Variants in MFSD2B observed in about 807,000 individuals in gnomAD.
MFSD2B encodes the protein sphingosine-1-phosphate transporter MFSD2B.
A neutral mutation model predicts 58.4 loss-of-function variants in MFSD2B; 56 were observed. The ratio of observed to expected loss-of-function variants is 0.96; its 90% CI spans 0.77 to 1.20. The LOEUF is 1.20. MFSD2B is among the 50% of genes most tolerant of loss of function. The pLI, the probability that MFSD2B is intolerant of heterozygous loss-of-function variation, is 0.00. For missense variants in MFSD2B, 645 were observed against 667.6 expected (o/e 0.97, Z 0.37); for synonymous variants, 287 against 294.4 (o/e 0.97, Z 0.26).
intron 3 of MFSD2B, among the ~76,000 whole-genome samples, 191 bp downstream of exon 3, chr2:24,016,471 C>A (rs1487257461): frequency 1.3e-5 from 2 of 152,196 alleles, no homozygotes; most frequent in African/African-American, 4.8e-5. Flanking sequence ...ACTCTCCCTC[C>A]CCAGATGGCA....
At position 24,017,212 on chromosome 2, in the gene MFSD2B, AC is replaced by A. The variant is rs1394984395; in HGVS notation, c.472-71del. 4.1e-6 allele frequency: 6 copies of A among 1,463,228 alleles called. No homozygotes were observed. The Admixed American group carries it at 1.0e-4, about 25-fold the overall frequency. 90.6% of individuals were successfully genotyped at this position (1,463,228 alleles called of 1,614,324 possible). ...TGGCCTGTGGGTGTCGGGATGTGACACCCAGGATGGGGGAGGTCGCCCGCTG... is the reference window on the plus strand; with the variant it reads ...TGGCCTGTGGGTGTCGGGATGTGACACCAGGATGGGGGAGGTCGCCCGCTG... On this transcript the variant is annotated intron_variant, in intron 4 of 13. Transcript: ENST00000338315. The surrounding 1 kb of genome is among the most constrained non-coding windows in gnomAD (Gnocchi z 4.8).
Position 24,024,309 on chromosome 2 carries a change from G to A in MFSD2B, c.1490+38G>A. 6.4e-7 allele frequency: 1 copy of A among 1,557,122 alleles called. No homozygotes were observed. The highest frequency in any genetic ancestry group is 8.7e-7 in the Non-Finnish European group (1 of 1,152,994). On this transcript the variant is annotated intron_variant, in intron 13 of 13. Transcript: ENST00000338315. This position sits in a 1 kb window ranked among gnomAD's most constrained non-coding sequence, Gnocchi z 4.3. Reference sequence around the variant, plus strand: ...CGCCCCCTGCAGCCAGCGAGGCACAGTGTGGGCTGCTGGGGGAATGACTAA... The same window carrying A: ...CGCCCCCTGCAGCCAGCGAGGCACAATGTGGGCTGCTGGGGGAATGACTAA...
chr2:24,011,855 G>A (rs1477250340), intron 1 of MFSD2B, among the ~76,000 whole-genome samples: 1 of 152,136 alleles, frequency 6.6e-6, no homozygotes, highest in East Asian at 1.9e-4. Context: ...GAGAGGTTAG[G>A]GAATGCCTCT....
rs937039077 is a variant in MFSD2B at position 24,017,155 on chromosome 2, G to C, written c.472-131G>C. On this transcript the variant is annotated intron_variant, in intron 4 of 13. Transcript: ENST00000338315. This position sits in a 1 kb window ranked among gnomAD's most constrained non-coding sequence, Gnocchi z 4.8. ...CTCCTGCCTTTGGGACCCTAGCTCCGACTTCAGGTGGCCAGCTGGGATATG... is the reference window on the plus strand; with the variant it reads ...CTCCTGCCTTTGGGACCCTAGCTCCCACTTCAGGTGGCCAGCTGGGATATG... 10 of 1,272,348 alleles carry C rather than the reference G, an allele frequency of 7.9e-6. No individual in the cohort carries two copies. The South Asian group carries it at 1.4e-4, about 18-fold the overall frequency. 78.8% of individuals were successfully genotyped at this position (1,272,348 alleles called of 1,614,324 possible).
chr2:24,022,021 T>G lies in MFSD2B; in HGVS notation c.894+51T>G. ...AGGCTTGGTGCTGGCCATGCTGACC[T>G]TGCATAGGTTCAGGGTGCAGTCTTG... On this transcript the variant is annotated intron_variant, in intron 8 of 13. Coordinates refer to ENST00000338315, the MANE Select transcript of MFSD2B (RefSeq NM_001346880.2). The surrounding 1 kb of genome is among the most constrained non-coding windows in gnomAD (Gnocchi z 4.5). 6.2e-7 allele frequency: 1 copy of G among 1,610,798 alleles called. No homozygotes were observed. Among genetic ancestry groups the G allele is most frequent in the South Asian group, 1.1e-5 (1 of 90,920 alleles).
At position 24,025,470 on chromosome 2, in the gene MFSD2B, G is replaced by A. The variant is rs200011725; in HGVS notation, c.*14G>A. ...AGCCTGGCCTAAAGCTTAGGAGGGC[G>A]ACTGTGAATGGACACAGGAGCCAGC... On this transcript the variant is annotated 3_prime_UTR_variant, in exon 14 of 14. Coordinates refer to ENST00000338315, the MANE Select transcript of MFSD2B (RefSeq NM_001346880.2). 821 of 1,535,684 alleles carry A rather than the reference G, an allele frequency of 5.3e-4. 7 individuals carry two copies. The East Asian group carries it at 0.014, about 27-fold the overall frequency.
rs964797425 is a variant in MFSD2B at position 24,020,243 on chromosome 2, G to A, written c.682-1405G>A. The stretch of plus-strand genomic sequence containing the variant: ...ATGCCCAGGGGGCAGAGCCTCATGT[G>A]AGCAGAGACTGGATGCTCTTGGTGG... On this transcript the variant is annotated intron_variant, in intron 6 of 13. Transcript: ENST00000338315. The surrounding 1 kb of genome is among the most constrained non-coding windows in gnomAD (Gnocchi z 4.1). Among the ~76,000 whole-genome samples the A allele has an allele frequency of 3.9e-5, 6 of 152,188 alleles. No homozygotes were observed. Among genetic ancestry groups the A allele is most frequent in the African/African-American group, 1.4e-4 (6 of 41,432 alleles).
intron 2 of MFSD2B, among the ~76,000 whole-genome samples, chr2:24,014,831 G>A (rs929631962): frequency 3.3e-5 from 5 of 152,040 alleles, no homozygotes; most frequent in Admixed American, 6.6e-5. Context: ...TTTAAAATGA[G>A]GTATCCAGCC....
chr2:24,023,182 C>T lies in MFSD2B; in HGVS notation c.1112C>T (p.Ala371Val). ...GCTGCTGTGCCCACAGCACCTGTGG[C>T]ATATGTCGTGGCCTTTGTATCTGGC... Reference protein sequence around the residue: ...LLAAVPTAPVAYVVAFVSGVS... With the variant: ...LLAAVPTAPVVYVVAFVSGVS... The change falls in exon 11 of 14, where the codon GCA becomes GTA. Residue 371 changes from alanine (A) to valine (V), a missense_variant. By Grantham distance (64) the Ala-to-Val change is moderately conservative. Coordinates refer to ENST00000338315, the MANE Select transcript of MFSD2B (RefSeq NM_001346880.2). The surrounding 1 kb of genome is among the most constrained non-coding windows in gnomAD (Gnocchi z 5.0). 1.2e-6 allele frequency: 2 copies of T among 1,613,612 alleles called. No individual in the cohort carries two copies. Among genetic ancestry groups the T allele is most frequent in the Non-Finnish European group, 1.7e-6 (2 of 1,179,818 alleles).
At position 24,012,167 on chromosome 2, in the gene MFSD2B, C is replaced by T. The variant is rs1215076827; in HGVS notation, c.97-1118C>T. ...AACAAACAAAACACACACACACACA[C>T]ACACACACACACAAAAACAGACAAA... On this transcript the variant is annotated intron_variant, in intron 1 of 13. Coordinates refer to ENST00000338315, the MANE Select transcript of MFSD2B (RefSeq NM_001346880.2). This position sits in a 1 kb window ranked among gnomAD's most constrained non-coding sequence, Gnocchi z 4.5. Among the ~76,000 whole-genome samples, 4 of 63,942 alleles carry T rather than the reference C, an allele frequency of 6.3e-5. No individual in the cohort carries two copies. The highest frequency in any genetic ancestry group is 1.5e-4 in the Non-Finnish European group (4 of 27,198). The allele number at this position is 63,942 out of a possible 152,430, so 41.9% of individuals were successfully genotyped here. A position where few individuals can be genotyped will look rare whatever the true frequency, so the allele number is the denominator to read the frequency against.
rs1403879449 is a variant in MFSD2B at position 24,023,334 on chromosome 2, C to T, written c.1169+95C>T. The T allele has an allele frequency of 1.8e-6, 2 of 1,127,252 alleles. No individual in the cohort carries two copies. The highest frequency in any genetic ancestry group is 1.5e-5 in the African/African-American group (1 of 65,792). The allele number at this position is 1,127,252 out of a possible 1,614,324, so 69.8% of individuals were successfully genotyped here. On this transcript the variant is annotated intron_variant, in intron 11 of 13. Coordinates refer to ENST00000338315, the MANE Select transcript of MFSD2B (RefSeq NM_001346880.2). The surrounding 1 kb of genome is among the most constrained non-coding windows in gnomAD (Gnocchi z 5.0). ...CCAGGCCCCCTGCACCCAGCCTGTG[C>T]AGGAGATGGAGGCCACCAGCTCCAT...
Position 24,024,269 on chromosome 2 carries a change from G to A in MFSD2B, c.1488G>A (p.Arg496=). The A allele has an allele frequency of 6.2e-7, 1 of 1,601,308 alleles. No individual in the cohort carries two copies. Among genetic ancestry groups the A allele is most frequent in the Non-Finnish European group, 8.5e-7 (1 of 1,174,730 alleles). Reference sequence around the variant, plus strand: ...ACGCCTCCAGCCGGCTGAGCCTTCGGAGGTAAGCCCCGCACGCCCCCTGCA... The same window carrying A: ...ACGCCTCCAGCCGGCTGAGCCTTCGAAGGTAAGCCCCGCACGCCCCCTGCA... The part of the protein sequence containing the change: ...SRDASSRLSL[R]RRTSYSLA Residue 496 remains arginine, a splice_region_variant and synonymous_variant, in exon 13 of 14, where the codon CGG becomes CGA. Transcript: ENST00000338315. This position sits in a 1 kb window ranked among gnomAD's most constrained non-coding sequence, Gnocchi z 4.3.
At position 24,021,744 on chromosome 2, in the gene MFSD2B, G is replaced by A. The variant is rs1175161977; in HGVS notation, c.772+6G>A. ...AGGGGTGAAGGAGCGGCCAGGTATG[G>A]GGTTTGGTGAGGAGGGAAGCAGAAG... On this transcript the variant is annotated splice_donor_region_variant and intron_variant, in intron 7 of 13. Transcript: ENST00000338315. The surrounding 1 kb of genome is among the most constrained non-coding windows in gnomAD (Gnocchi z 5.7). 6.2e-7 allele frequency: 1 copy of A among 1,613,116 alleles called. No homozygotes were observed. Among genetic ancestry groups the A allele is most frequent in the East Asian group, 2.2e-5 (1 of 44,868 alleles).
At position 24,024,184 on chromosome 2, in the gene MFSD2B, T is replaced by A. The variant is rs758426955; in HGVS notation, c.1403T>A (p.Met468Lys). 1.4e-5 allele frequency: 23 copies of A among 1,613,730 alleles called. No individual in the cohort carries two copies. The highest frequency in any genetic ancestry group is 1.9e-5 in the Non-Finnish European group (22 of 1,179,834). The change falls in exon 13 of 14, where the codon ATG (methionine) becomes AAG (lysine). Residue 468 changes from methionine (M) to lysine (K), a missense_variant. By Grantham distance (95) the Met-to-Lys change is moderately conservative. Coordinates refer to ENST00000338315, the MANE Select transcript of MFSD2B (RefSeq NM_001346880.2). The surrounding 1 kb of genome is among the most constrained non-coding windows in gnomAD (Gnocchi z 4.3). Reference sequence around the variant, plus strand: ...CTCATTGGCGCCGTGCCCACCTGCATGATCCTTGCTGGGCTCTGCATCCTC... The same window carrying A: ...CTCATTGGCGCCGTGCCCACCTGCAAGATCCTTGCTGGGCTCTGCATCCTC... The part of the protein sequence containing the change: ...KVLIGAVPTC[M>K]ILAGLCILMV...
intron 6 of MFSD2B, among the ~76,000 whole-genome samples, chr2:24,019,064 T>C (rs1301437391): frequency 1.3e-5 from 2 of 152,094 alleles, no homozygotes; most frequent in African/African-American, 4.8e-5. Flanking sequence ...TTGGCCAGGC[T>C]GGTCTCAAAT....
At position 24,023,410 on chromosome 2, in the gene MFSD2B, G is replaced by A. The variant is rs1007428311; in HGVS notation, c.1169+171G>A. ...CAGGCAGTAGGAATGGCGGGGGGCC[G>A]GCAGGGGGCTGGCGGGGGGTACGAG... On this transcript the variant is annotated intron_variant, in intron 11 of 13. Transcript: ENST00000338315. This position sits in a 1 kb window ranked among gnomAD's most constrained non-coding sequence, Gnocchi z 5.0. 1.9e-4 allele frequency: 175 copies of A among 929,422 alleles called. No individual in the cohort carries two copies. The highest frequency in any genetic ancestry group is 2.3e-4 in the Non-Finnish European group (141 of 617,206). The allele number at this position is 929,422 out of a possible 1,614,324, so 57.6% of individuals were successfully genotyped here.
rs1339333695 is a variant in MFSD2B, at chr2:24,022,407, T to G, written c.895-26T>G. 1 of 1,595,894 alleles carries G rather than the reference T, an allele frequency of 6.3e-7. No homozygotes were observed. The highest frequency in any genetic ancestry group is 8.6e-7 in the Non-Finnish European group (1 of 1,166,508). ...CTGAGCTCCTGCCATGCCCTGCACA[T>G]ACCCACTTCCTGTCCATCTCCTCAG... On this transcript the variant is annotated intron_variant, in intron 8 of 13. Transcript: ENST00000338315. This position sits in a 1 kb window ranked among gnomAD's most constrained non-coding sequence, Gnocchi z 4.5.
chr2:24,019,349 G>A (rs1662670882), intron 6 of MFSD2B, among the ~76,000 whole-genome samples: 1 of 151,976 alleles, frequency 6.6e-6, no homozygotes, highest in Non-Finnish European at 1.5e-5. Context: ...AGCCCTCCCG[G>A]GGATTCTGCC....
chr2:24,022,610 T>C lies in MFSD2B; in HGVS notation c.978+94T>C. ...GATGTGACACATATGGCCAGAGTTC[T>C]GGTGGTCAACATTTTGGACTTTGCT... On this transcript the variant is annotated intron_variant, in intron 9 of 13. Transcript: ENST00000338315. This position sits in a 1 kb window ranked among gnomAD's most constrained non-coding sequence, Gnocchi z 4.5. 1 of 1,102,544 alleles carries C rather than the reference T, an allele frequency of 9.1e-7. No individual in the cohort carries two copies. Among genetic ancestry groups the C allele is most frequent in the South Asian group, 1.4e-5 (1 of 69,978 alleles). 68.3% of individuals were successfully genotyped at this position (1,102,544 alleles called of 1,614,324 possible). A position where few individuals can be genotyped will look rare whatever the true frequency, so the allele number is the denominator to read the frequency against.
Sources: gnomAD v4.1 joint callset for allele counts (sites outside exome capture counted in the v4.1 genomes callset) on GRCh38, gnomAD v4.1.1 for gene constraint, Gnocchi (gnomAD v3.1) non-coding constraint, MANE v1.5 for transcripts, NCBI Gene and HGNC (gene_info 2026-07-23, HGNC 2026-07-21) for gene names.